PCDHGA3: variants seen among roughly 807,000 people sequenced by gnomAD.
PCDHGA3 encodes the protein protocadherin gamma-A3.
Under a neutral mutation model 58.5 loss-of-function variants are expected in PCDHGA3, and 40 were observed. That is an observed-to-expected ratio of 0.68 (90% CI 0.53 to 0.89). The LOEUF (loss-of-function observed/expected upper bound fraction) is 0.89. Ranked by LOEUF, PCDHGA3 falls within the 40% of genes least tolerant of loss-of-function variation. The probability of loss-of-function intolerance (pLI) is 0.00; values close to 1 mark genes in which losing one functional copy is unlikely to be tolerated. For synonymous variants in PCDHGA3, 530 were observed against 525.7 expected (o/e 1.01, Z -0.11); for missense variants, 1,223 against 1,195.9 (o/e 1.02, Z -0.33).
chr5:141,356,446 T>C, intron 1 of PCDHGA3: 1 of 1,612,712 alleles, frequency 6.2e-7, no homozygotes, highest in Non-Finnish European at 8.5e-7. Flanking sequence ...GGAAGAAGTC[T>C]CAGAATATAA....
At position 141,489,300 on chromosome 5, in the gene PCDHGA3, C is replaced by T; in HGVS notation, c.2425-5507C>T. 1 of 1,585,700 alleles carries T rather than the reference C, an allele frequency of 6.3e-7. No individual in the cohort carries two copies. The highest frequency in any genetic ancestry group is 1.3e-5 in the African/African-American group (1 of 74,388). On this transcript the variant is annotated intron_variant, in intron 1 of 3. Coordinates refer to ENST00000253812, the MANE Select transcript of PCDHGA3 (RefSeq NM_018916.4). This position sits in a 1 kb window ranked among gnomAD's most constrained non-coding sequence, Gnocchi z 4.5. The stretch of plus-strand genomic sequence containing the variant: ...AATGGCAAGTGCTGTGCATGTTGTC[C>T]TTGTGCTGCTGGGGCTGGGTGTCTG...
At chr5:141,371,462 A>G (rs181808735) in intron 1 of PCDHGA3, 29 of 1,613,988 alleles carry the variant, frequency 1.8e-5, no homozygotes, top group Admixed American at 3.3e-5. Flanking sequence ...CCCAACATAT[A>G]CAAGAAGATG....
intron 1 of PCDHGA3, chr5:141,419,094 G>A (rs1241481126): frequency 2.5e-6 from 4 of 1,613,776 alleles, no homozygotes; most frequent in South Asian, 1.1e-5. Flanking sequence ...GCCCTGGATC[G>A]GGAGCAGACC....
chr5:141,357,256 G>T (rs1201064844), intron 1 of PCDHGA3: 1 of 1,613,738 alleles, frequency 6.2e-7, no homozygotes, highest in South Asian at 1.1e-5. Flanking sequence ...AGACCCAGAC[G>T]ACTCGGGCCT....
At chr5:141,360,338 T>C in intron 1 of PCDHGA3, 1 of 1,613,830 alleles carries the variant, frequency 6.2e-7, no homozygotes, top group East Asian at 2.2e-5. Flanking sequence ...AAGCTGCGGG[T>C]TAGCGCGGAG....
At chr5:141,408,036 A>C in intron 1 of PCDHGA3, 1 of 1,132,834 alleles carries the variant, frequency 8.8e-7, no homozygotes, top group Non-Finnish European at 1.2e-6. Flanking sequence ...GAAGAAAACC[A>C]GCTCCCACAC....
intron 1 of PCDHGA3, among the ~76,000 whole-genome samples, chr5:141,444,942 A>C (rs1272061494): frequency 6.6e-6 from 1 of 152,082 alleles, no homozygotes; most frequent in Non-Finnish European, 1.5e-5. Flanking sequence ...AGGAGGGAGG[A>C]GGATCATCTT....
chr5:141,376,549 T>C (rs757110514), intron 1 of PCDHGA3: 1 of 1,612,108 alleles, frequency 6.2e-7, no homozygotes, highest in East Asian at 2.2e-5. Context: ...AATCTGATCT[T>C]CCCGCAACCC....
intron 1 of PCDHGA3, chr5:141,409,367 G>A: frequency 1.9e-6 from 3 of 1,614,000 alleles, no homozygotes; most frequent in Non-Finnish European, 2.5e-6. Context: ...TATAGAAACA[G>A]ACATTCCATT....
intron 1 of PCDHGA3, chr5:141,374,993 T>C: frequency 6.2e-7 from 1 of 1,614,056 alleles, no homozygotes; most frequent in Non-Finnish European, 8.5e-7. Flanking sequence ...AATTTCAACT[T>C]CTGCAAATCT....
At chr5:141,363,080 T>C (rs553480697) in intron 1 of PCDHGA3, among the ~76,000 whole-genome samples, 1 of 152,380 alleles carries the variant, frequency 6.6e-6, no homozygotes, top group African/African-American at 2.4e-5. Context: ...GAATCACAAA[T>C]GTATTTCTAA....
rs1405039338 is a variant in PCDHGA3, at chr5:141,345,080, C to A, written c.1047C>A (p.Ile349=). 1 of 1,613,978 alleles carries A rather than the reference C, an allele frequency of 6.2e-7. No individual in the cohort carries two copies. Among genetic ancestry groups the A allele is most frequent in the East Asian group, 2.2e-5 (1 of 44,884 alleles). ...DVNDNAPEIT[I]TSLTSSVPEE... is the part of the protein sequence containing the mutation. ...ATGACAATGCTCCAGAAATTACAAT[C>A]ACGTCTCTCACAAGCTCAGTCCCAG... The change falls in exon 1 of 4, where the codon ATC becomes ATA. Residue 349 remains isoleucine (I), a synonymous_variant. Transcript: ENST00000253812.
intron 1 of PCDHGA3, among the ~76,000 whole-genome samples, chr5:141,437,339 T>A (rs1008090968): frequency 3.3e-5 from 5 of 152,262 alleles, no homozygotes; most frequent in Non-Finnish European, 7.3e-5. Context: ...GTAGCTTCAC[T>A]GTTTTATAGT....
In PCDHGA3 at chr5:141,419,061, A is replaced by G. The variant is rs747692559; in HGVS notation, c.2424+72604A>G. 5.0e-6 allele frequency: 8 copies of G among 1,613,964 alleles called. No homozygotes were observed. In the Admixed American group the frequency reaches 1.3e-4, roughly 27 times the overall value. ...AAGATTCATTCTTCTTCTAATAATT[A>G]CTACAAGCTAGTAACAGATGAGGCC... On this transcript the variant is annotated intron_variant, in intron 1 of 3. Transcript: ENST00000253812.
rs1243232069 is a variant in PCDHGA3 at position 141,490,842 on chromosome 5, G to A, written c.2425-3965G>A. Reference sequence around the variant, plus strand: ...TGCTGCAGATGCTGCAGATTGTGGTGGGGGTTCGAGACTCCGGCTCTCCCC... The same window carrying A: ...TGCTGCAGATGCTGCAGATTGTGGTAGGGGTTCGAGACTCCGGCTCTCCCC... On this transcript the variant is annotated intron_variant, in intron 1 of 3. Transcript: ENST00000253812. The surrounding 1 kb of genome is among the most constrained non-coding windows in gnomAD (Gnocchi z 5.4). 4.3e-6 allele frequency: 7 copies of A among 1,613,844 alleles called. No homozygotes were observed. In the South Asian group the frequency reaches 6.6e-5, roughly 15 times the overall value.
chr5:141,367,108 A>AC, intron 1 of PCDHGA3: 1 of 233,042 alleles, frequency 4.3e-6, no homozygotes, highest in Non-Finnish European at 8.4e-6. Context: ...GTCTGCCTAG[A>AC]CACCATTAGT....
intron 1 of PCDHGA3, chr5:141,400,610 T>C (rs1561677991): frequency 3.2e-6 from 5 of 1,573,090 alleles, no homozygotes; most frequent in Non-Finnish European, 4.4e-6. Flanking sequence ...TCAAGTCCAA[T>C]GAGTTGTCTT....
rs777751826 is a variant in PCDHGA3, at chr5:141,371,625, G to T, written c.2424+25168G>T. 2.4e-5 allele frequency: 38 copies of T among 1,613,874 alleles called. No homozygotes were observed. The highest frequency in any genetic ancestry group is 3.3e-5 in the Admixed American group (2 of 60,014). ...CAGGTTGGTGACAGATGGAGCCCTG[G>T]ACCGGGAGCAGATCCCAGAATACAA... On this transcript the variant is annotated intron_variant, in intron 1 of 3. Coordinates refer to ENST00000253812, the MANE Select transcript of PCDHGA3 (RefSeq NM_018916.4).
At chr5:141,438,136 A>C (rs2097931548) in intron 1 of PCDHGA3, among the ~76,000 whole-genome samples, 1 of 152,186 alleles carries the variant, frequency 6.6e-6, no homozygotes, top group Non-Finnish European at 1.5e-5. Flanking sequence ...TAATGGCAAA[A>C]GATAGCCAGC....
Sources: gnomAD v4.1 joint callset for allele counts (sites outside exome capture counted in the v4.1 genomes callset) on GRCh38, gnomAD v4.1.1 for gene constraint, Gnocchi (gnomAD v3.1) non-coding constraint, MANE v1.5 for transcripts, NCBI Gene and HGNC (gene_info 2026-07-23, HGNC 2026-07-21) for gene names.